Variants in VAMP2 observed in about 807,000 individuals in gnomAD.
The protein encoded by VAMP2 is vesicle-associated membrane protein 2.
For missense variants in VAMP2, 95 were observed against 151.3 expected (o/e 0.63, Z 1.95); for synonymous variants, 67 against 57.3 (o/e 1.17, Z -0.76).
chr17:8,162,481 G>A (rs759628639), intron 1 of VAMP2, 112 bp from the exon 2 acceptor site: 3 of 1,550,376 alleles, frequency 1.9e-6, no homozygotes, highest in African/African-American at 2.7e-5. Context: ...CTTTTCGGGA[G>A]GAAGGCCACC....
intron 1 of VAMP2, 156 bp downstream of exon 1, chr17:8,162,722 C>T (rs964490934): frequency 1.5e-6 from 2 of 1,292,350 alleles, no homozygotes; most frequent in Non-Finnish European, 2.0e-6. Flanking sequence ...GCCCGGGACG[C>T]GGGGCTCCTC....
chr17:8,162,787 AGGAGAGACCCCGG>A (rs1232711679), intron 1 of VAMP2, 78 bp downstream of exon 1: 4 of 1,227,854 alleles, frequency 3.3e-6, no homozygotes, highest in Non-Finnish European at 4.1e-6. Context: ...CGGGGAACGC[AGGAGAGACCCCGG>A]GCACTCCCGA....
chr17:8,160,573 G>A lies in VAMP2; in HGVS notation c.*282C>T. ...ACTTGGGGCTAGTCAGGAAGAAAGGGAAAGGGAAGGAAGGCAAGAGAGAGG... is the reference window on the plus strand; with the variant it reads ...ACTTGGGGCTAGTCAGGAAGAAAGGAAAAGGGAAGGAAGGCAAGAGAGAGG... On this transcript the variant is annotated 3_prime_UTR_variant, in exon 5 of 5. Coordinates refer to ENST00000316509, the MANE Select transcript of VAMP2 (RefSeq NM_014232.3). 1 of 214,912 alleles carries A rather than the reference G, an allele frequency of 4.7e-6. No homozygotes were observed. The highest frequency in any genetic ancestry group is 9.1e-6 in the Non-Finnish European group (1 of 110,304). 13.3% of individuals were successfully genotyped at this position (214,912 alleles called of 1,614,324 possible).
At chr17:8,161,987 T>A (rs1451266720) in intron 2 of VAMP2, among the ~76,000 whole-genome samples, 1 of 152,072 alleles carries the variant, frequency 6.6e-6, no homozygotes, top group Non-Finnish European at 1.5e-5. Flanking sequence ...AGCAACACCC[T>A]CCCTCTATGG....
At chr17:8,161,586 T>C (rs1378650228) in intron 3 of VAMP2, 22 bp downstream of exon 3, 2 of 1,613,906 alleles carry the variant, frequency 1.2e-6, no homozygotes, top group Admixed American at 1.7e-5. Context: ...CCACCTGTCC[T>C]CCTTCCTGTC....
At chr17:8,162,778 G>C in intron 1 of VAMP2, 100 bp downstream of exon 1, 30 of 1,236,154 alleles carry the variant, frequency 2.4e-5, no homozygotes, top group Non-Finnish European at 2.6e-5. Flanking sequence ...CCCGGGGCGC[G>C]GGGAACGCAG....
At chr17:8,161,804 G>A in intron 2 of VAMP2, 38 bp from the exon 3 acceptor site, 1 of 1,598,184 alleles carries the variant, frequency 6.3e-7, no homozygotes, top group South Asian at 1.1e-5. Flanking sequence ...GGTGTGCCAA[G>A]GCCCACCTCA....
At position 8,160,806 on chromosome 17, in the gene VAMP2, A is replaced by G; in HGVS notation, c.*49T>C. ...TGGCTGAGAGGTGGAGGAACGGCTGAGGGTTGGGGGAGAGGCCCTTCTCTA... is the reference window on the plus strand; with the variant it reads ...TGGCTGAGAGGTGGAGGAACGGCTGGGGGTTGGGGGAGAGGCCCTTCTCTA... On this transcript the variant is annotated 3_prime_UTR_variant, in exon 5 of 5. Transcript: ENST00000316509. 1 of 1,576,368 alleles carries G rather than the reference A, an allele frequency of 6.3e-7. No homozygotes were observed.
At chr17:8,162,137 C>A in intron 2 of VAMP2, 112 bp downstream of exon 2, 3 of 1,455,784 alleles carry the variant, frequency 2.1e-6, no homozygotes, top group Admixed American at 5.0e-5. Context: ...GTATCTTTGT[C>A]CGCAAACCCA....
intron 2 of VAMP2, among the ~76,000 whole-genome samples, chr17:8,162,007 C>A (rs1485136349): frequency 6.6e-6 from 1 of 152,182 alleles, no homozygotes; most frequent in Non-Finnish European, 1.5e-5. Context: ...GAACCTCAGG[C>A]GCTCTGTCCA....
In VAMP2 at chr17:8,159,808, A is replaced by G. The variant is rs1983237166; in HGVS notation, c.*1047T>C. 1 of 152,666 alleles carries G rather than the reference A, an allele frequency of 6.6e-6. No homozygotes were observed. The highest frequency in any genetic ancestry group is 6.5e-5 in the Admixed American group (1 of 15,274). The allele number at this position is 152,666 out of a possible 1,614,324, so 9.5% of individuals were successfully genotyped here. A position where few individuals can be genotyped will look rare whatever the true frequency, so the allele number is the denominator to read the frequency against. The stretch of plus-strand genomic sequence containing the variant: ...AAGAGATCAATTGTGGCCAACCCCC[A>G]ACTCTCCTGGTGGGAGGAGGAGGTG... On this transcript the variant is annotated 3_prime_UTR_variant, in exon 5 of 5. Transcript: ENST00000316509.
Position 8,160,169 on chromosome 17 carries a change from T to G in VAMP2, c.*686A>C, listed in dbSNP as rs1314318328. 1 of 152,340 alleles carries G rather than the reference T, an allele frequency of 6.6e-6. No homozygotes were observed. The highest frequency in any genetic ancestry group is 2.4e-5 in the African/African-American group (1 of 41,346). The allele number at this position is 152,340 out of a possible 1,614,324, so 9.4% of individuals were successfully genotyped here. On this transcript the variant is annotated 3_prime_UTR_variant, in exon 5 of 5. Coordinates refer to ENST00000316509, the MANE Select transcript of VAMP2 (RefSeq NM_014232.3). ...ATGTGATACAAGAACTAATGGGGAC[T>G]AACTCCTCAGTAAAAAAAGAAACAC... is the stretch of plus-strand genomic sequence containing the variant.
intron 4 of VAMP2, 122 bp from the exon 5 acceptor site, chr17:8,160,993 C>A: frequency 1.2e-6 from 1 of 829,594 alleles, no homozygotes; most frequent in East Asian, 2.6e-5. Context: ...TGGCTGACAC[C>A]CTCTCTTGGA....
Position 8,161,350 on chromosome 17 carries a change from C to T in VAMP2, c.334+123G>A. The T allele has an allele frequency of 4.4e-6, 6 of 1,363,866 alleles. No homozygotes were observed. In the South Asian group the frequency reaches 8.5e-5, roughly 19 times the overall value. 84.5% of individuals were successfully genotyped at this position (1,363,866 alleles called of 1,614,324 possible). ...TTTGGCTCTAGATGAATCAGAATTG[C>T]CATTAGCAGCTATATGTGTTTTTGG... On this transcript the variant is annotated intron_variant, in intron 4 of 4. Transcript: ENST00000316509.
chr17:8,160,872 CTG>C lies in VAMP2; in HGVS notation c.335-3_335-2del. 6.2e-7 allele frequency: 1 copy of C among 1,609,076 alleles called. No individual in the cohort carries two copies. The highest frequency in any genetic ancestry group is 1.1e-5 in the South Asian group (1 of 90,600). ...TCGGGGATTTAAGTGCTGAAGTAAACTGTGGAGAGAGGGGAAGAAGATGAGGA... is the reference window on the plus strand; with the variant it reads ...TCGGGGATTTAAGTGCTGAAGTAAACTGGAGAGAGGGGAAGAAGATGAGGA... On this transcript the variant is annotated splice_acceptor_variant and splice_polypyrimidine_tract_variant and intron_variant, in intron 4 of 4. Coordinates refer to ENST00000316509, the MANE Select transcript of VAMP2 (RefSeq NM_014232.3). LOFTEE classifies it high-confidence loss of function.
intron 1 of VAMP2, 86 bp downstream of exon 1, chr17:8,162,792 A>G (rs1296380309): frequency 1.2e-5 from 15 of 1,223,322 alleles, no homozygotes; most frequent in Non-Finnish European, 1.4e-5. Context: ...AACGCAGGAG[A>G]GACCCCGGGC....
intron 1 of VAMP2, 173 bp downstream of exon 1, chr17:8,162,705 C>A (rs1019556538): frequency 6.1e-6 from 8 of 1,311,162 alleles, no homozygotes; most frequent in Non-Finnish European, 7.7e-6. Context: ...ATCGCCCGAG[C>A]CGGCCAGCCC....
chr17:8,162,239 C>A lies in VAMP2; in HGVS notation c.123+10G>T. On this transcript the variant is annotated intron_variant, in intron 2 of 4. Transcript: ENST00000316509. ...TCCCTCCTACTGCTTTTGACTCCCC[C>A]CACACTCACCTCATCCACCTGGGCC... The A allele has an allele frequency of 6.5e-7, 1 of 1,532,416 alleles. No homozygotes were observed. The highest frequency in any genetic ancestry group is 1.3e-5 in the South Asian group (1 of 77,976). 94.9% of individuals were successfully genotyped at this position (1,532,416 alleles called of 1,614,324 possible).
In VAMP2 at chr17:8,159,501, A is replaced by C. The variant is rs1983226336; in HGVS notation, c.*1354T>G. On this transcript the variant is annotated 3_prime_UTR_variant, in exon 5 of 5. Coordinates refer to ENST00000316509, the MANE Select transcript of VAMP2 (RefSeq NM_014232.3). ...TGAGAGGACAGCTCTCTCTGGGCTC[A>C]ATAGTCCTGGAGAGGGGCAAGCATC... is the stretch of plus-strand genomic sequence containing the variant. 1 of 152,630 alleles carries C rather than the reference A, an allele frequency of 6.6e-6. No homozygotes were observed. Among genetic ancestry groups the C allele is most frequent in the South Asian group, 2.1e-4 (1 of 4,838 alleles). 9.5% of individuals were successfully genotyped at this position (152,630 alleles called of 1,614,324 possible).
Sources: gnomAD v4.1 joint callset for allele counts (sites outside exome capture counted in the v4.1 genomes callset) on GRCh38, gnomAD v4.1.1 for gene constraint, MANE v1.5 for transcripts, NCBI Gene and HGNC (gene_info 2026-07-23, HGNC 2026-07-21) for gene names.